TRIM24: variants seen among roughly 807,000 people sequenced by gnomAD.
The protein encoded by TRIM24 is transcription intermediary factor 1-alpha.
Under a neutral mutation model 123.9 loss-of-function variants are expected in TRIM24, and 29 were observed. The ratio of observed to expected loss-of-function variants is 0.23; its 90% CI spans 0.17 to 0.32. TRIM24 has a LOEUF of 0.32. Among genes scored for constraint, TRIM24 ranks in the 10% least tolerant of loss-of-function variants. The pLI, the probability that TRIM24 is intolerant of heterozygous loss-of-function variation, is 1.00. For synonymous variants in TRIM24, 456 were observed against 461.1 expected (o/e 0.99, Z 0.14); for missense variants, 932 against 1,295.3 (o/e 0.72, Z 4.31).
chr7:138,530,019 T>G (rs1796696763), intron 6 of TRIM24, among the ~76,000 whole-genome samples: 1 of 152,210 alleles, frequency 6.6e-6, no homozygotes, highest in South Asian at 2.1e-4. Context: ...TTTTATATCA[T>G]AATTTACCAA....
In TRIM24 at chr7:138,470,070, T is replaced by C. The variant is rs540779088; in HGVS notation, c.364+9158T>C. ...CTGTACACAGCTGCCCTAGAGGTCATGGGATTTCGATACTGCAGACTCTGT... is the reference window on the plus strand; with the variant it reads ...CTGTACACAGCTGCCCTAGAGGTCACGGGATTTCGATACTGCAGACTCTGT... On this transcript the variant is annotated intron_variant, in intron 1 of 18. Transcript: ENST00000343526. Among the ~76,000 whole-genome samples the C allele has an allele frequency of 3.3e-5, 5 of 151,846 alleles. No individual in the cohort carries two copies. In the East Asian group the frequency reaches 9.7e-4, roughly 29 times the overall value.
At chr7:138,533,566 C>G (rs1443649849) in intron 6 of TRIM24, among the ~76,000 whole-genome samples, 1 of 152,076 alleles carries the variant, frequency 6.6e-6, no homozygotes, top group Admixed American at 6.5e-5. Context: ...GGATGAAGCC[C>G]ACTTGATCAT....
At chr7:138,505,602 T>C (rs1563037417) in intron 2 of TRIM24, among the ~76,000 whole-genome samples, 3 of 151,920 alleles carry the variant, frequency 2.0e-5, no homozygotes, top group Admixed American at 6.6e-5. Flanking sequence ...AGTGATGTAG[T>C]CGTAGCTCAC....
At chr7:138,468,801 T>A (rs1287790518) in intron 1 of TRIM24, among the ~76,000 whole-genome samples, 5 of 152,176 alleles carry the variant, frequency 3.3e-5, no homozygotes, top group Non-Finnish European at 5.9e-5. Context: ...AACCCTTACA[T>A]AGACTACTGG....
chr7:138,509,689 G>A (rs1274596022), intron 2 of TRIM24, among the ~76,000 whole-genome samples: 19 of 106,540 alleles, frequency 1.8e-4, no homozygotes, highest in South Asian at 3.4e-4. Context: ...ATGACAGAGT[G>A]AGACTCTGTC....
intron 2 of TRIM24, among the ~76,000 whole-genome samples, chr7:138,509,699 C>CT: frequency 1.8e-5 from 1 of 54,232 alleles, no homozygotes; most frequent in African/African-American, 8.8e-5. Flanking sequence ...GAGACTCTGT[C>CT]TCAAAAAAAA....
chr7:138,555,481 AATTT>A (rs1797297066), intron 9 of TRIM24, among the ~76,000 whole-genome samples: 1 of 149,132 alleles, frequency 6.7e-6, no homozygotes, highest in Admixed American at 6.7e-5. Context: ...ACTATAATCC[AATTT>A]TTTTTTTTTT....
chr7:138,477,059 CTG>C (rs34377824), intron 1 of TRIM24, among the ~76,000 whole-genome samples: 125,719 of 151,796 alleles, frequency 0.83, 52,401 homozygotes, highest in Non-Finnish European at 0.85. Context: ...CTTTGTGTCT[CTG>C]TGTGTGTGTG....
At chr7:138,525,205 A>G (rs752535209) in intron 4 of TRIM24, 36 bp from the exon 5 acceptor site, 1 of 992,916 alleles carries the variant, frequency 1.0e-6, no homozygotes, top group East Asian at 2.9e-5. Flanking sequence ...TCCTCATTGT[A>G]TATTTTTATA....
chr7:138,546,279 C>T (rs1338591505), intron 7 of TRIM24, among the ~76,000 whole-genome samples: 1 of 152,090 alleles, frequency 6.6e-6, no homozygotes, highest in Non-Finnish European at 1.5e-5. Flanking sequence ...AAATATCACC[C>T]AGGTTAAAGG....
chr7:138,477,811 A>G (rs2116470557), intron 1 of TRIM24, among the ~76,000 whole-genome samples: 1 of 152,324 alleles, frequency 6.6e-6, no homozygotes, highest in East Asian at 1.9e-4. Context: ...AGCAGGCTTG[A>G]AAAGGTTTGG....
chr7:138,462,834 A>G lies in TRIM24; in HGVS notation c.364+1922A>G, dbSNP rs376100448. 3.9e-5 allele frequency among the ~76,000 whole-genome samples: 6 copies of G among 152,040 alleles called. No homozygotes were observed. In the East Asian group the frequency reaches 5.8e-4, roughly 15 times the overall value. ...AGGCCCACGACTGGAAAGTTCGAACAGGTGAAAGCTTAAACCTTAGTTCTT... is the reference window on the plus strand; with the variant it reads ...AGGCCCACGACTGGAAAGTTCGAACGGGTGAAAGCTTAAACCTTAGTTCTT... On this transcript the variant is annotated intron_variant, in intron 1 of 18. Coordinates refer to ENST00000343526, the MANE Select transcript of TRIM24 (RefSeq NM_015905.3).
chr7:138,529,357 C>A lies in TRIM24; in HGVS notation c.996+127C>A, dbSNP rs2116585527. The A allele has an allele frequency of 8.7e-6, 4 of 459,820 alleles. No individual in the cohort carries two copies. The East Asian group carries it at 1.5e-4, about 17-fold the overall frequency. The allele number at this position is 459,820 out of a possible 1,614,324, so 28.5% of individuals were successfully genotyped here. On this transcript the variant is annotated intron_variant, in intron 6 of 18. Coordinates refer to ENST00000343526, the MANE Select transcript of TRIM24 (RefSeq NM_015905.3). The stretch of plus-strand genomic sequence containing the variant: ...GATTTAATATTTTTTTTTCCCACTC[C>A]CAAGTTTTCCTTTGCTGGGTTTTGT...
chr7:138,462,872 A>AT lies in TRIM24; in HGVS notation c.364+1963dup, dbSNP rs762408724. Among the ~76,000 whole-genome samples the AT allele has an allele frequency of 2.6e-3, 377 of 144,030 alleles. 2 individuals carry two copies. The highest frequency in any genetic ancestry group is 0.015 in the Middle Eastern group (4 of 266). The allele number at this position is 144,030 out of a possible 152,430, so 94.5% of individuals were successfully genotyped here. On this transcript the variant is annotated intron_variant, in intron 1 of 18. Transcript: ENST00000343526. ...AACCTTAGTTCTTATTTATTTATTT[A>AT]TTTATTTTTTTTTTGAGACGGAGTC...
In TRIM24 at chr7:138,512,461, C is replaced by T. The variant is rs181994770; in HGVS notation, c.484-2751C>T. Among the ~76,000 whole-genome samples the T allele has an allele frequency of 3.3e-5, 5 of 152,238 alleles. No homozygotes were observed. The East Asian group carries it at 9.7e-4, about 30-fold the overall frequency. Reference sequence around the variant, plus strand: ...CTGCAGCAGGCTTCTGCTTGGACATCCAGGCCTTTCCATAAATCTTCTGAA... The same window carrying T: ...CTGCAGCAGGCTTCTGCTTGGACATTCAGGCCTTTCCATAAATCTTCTGAA... On this transcript the variant is annotated intron_variant, in intron 2 of 18. Coordinates refer to ENST00000343526, the MANE Select transcript of TRIM24 (RefSeq NM_015905.3).
intron 1 of TRIM24, among the ~76,000 whole-genome samples, chr7:138,503,125 A>G (rs1170895073): frequency 2.0e-5 from 3 of 148,434 alleles, no homozygotes; most frequent in African/African-American, 7.5e-5. Flanking sequence ...AACATCTGAT[A>G]TATATAAAGT....
chr7:138,526,691 G>A (rs13242427), intron 5 of TRIM24, among the ~76,000 whole-genome samples: 20,274 of 152,074 alleles, frequency 0.13, 1,542 homozygotes, highest in South Asian at 0.23. Context: ...GATTACAGGC[G>A]TGAGCCACCA....
In TRIM24 at chr7:138,577,547, A is replaced by G; in HGVS notation, c.2215A>G (p.Ile739Val). ...GGAAAATTATGATTTCCCTGTTGTT[A>G]TAGTGAAGCAAGAATCAGATGAAGA... ...PPENYDFPVV[I>V]VKQESDEESR... Residue 739 changes from isoleucine (I) to valine (V), a missense_variant, in exon 14 of 19, where the codon ATA becomes GTA. Coordinates refer to ENST00000343526, the MANE Select transcript of TRIM24 (RefSeq NM_015905.3). 6.2e-7 allele frequency: 1 copy of G among 1,610,270 alleles called. No homozygotes were observed. The highest frequency in any genetic ancestry group is 1.1e-5 in the South Asian group (1 of 90,440).
rs1796943846 is a variant in TRIM24, at chr7:138,538,755, G to C, written c.1095G>C (p.Trp365Cys). The part of the protein sequence containing the change: ...QLEHVMHFSK[W>C]AVSSGSSTAL... ...AGCATGTCATGCATTTTTCTAAATG[G>C]GCAGTTTCCAGTGGCAGCAGTACAG... The change falls in exon 7 of 19, where the codon TGG (tryptophan) becomes TGC (cysteine). Residue 365 changes from tryptophan (W) to cysteine (C), a missense_variant. Physicochemically the swap from Trp to Cys is radical, Grantham distance 215. Coordinates refer to ENST00000343526, the MANE Select transcript of TRIM24 (RefSeq NM_015905.3). The C allele has an allele frequency of 6.2e-7, 1 of 1,614,062 alleles. No individual in the cohort carries two copies.
Sources: gnomAD v4.1 joint callset for allele counts (sites outside exome capture counted in the v4.1 genomes callset) on GRCh38, gnomAD v4.1.1 for gene constraint, MANE v1.5 for transcripts, NCBI Gene and HGNC (gene_info 2026-07-23, HGNC 2026-07-21) for gene names.